The following AGRN variants were observed in gnomAD, a reference collection of about 807,000 sequenced individuals.
The protein encoded by AGRN is agrin.
In AGRN, 106 loss-of-function variants were observed where a neutral mutation model predicts 211.0. That is an observed-to-expected ratio of 0.50 (90% CI 0.43 to 0.59). The LOEUF (loss-of-function observed/expected upper bound fraction) is 0.59, where lower values mean the gene tolerates loss of function less well. AGRN is among the 20% of genes least tolerant of loss of function. AGRN has a pLI of 0.00. For missense variants in AGRN, 3,040 were observed against 2,982.6 expected (o/e 1.02, Z -0.45); for synonymous variants, 1,525 against 1,332.5 (o/e 1.14, Z -3.15).
At chr1:1,049,111 CGGGCGGGGGAGGG>C (rs778954964) in intron 24 of AGRN, 52 bp downstream of exon 24, 31 of 342,456 alleles carry the variant, frequency 9.1e-5, no homozygotes, top group East Asian at 4.4e-4. Flanking sequence ...GGGGAGGGGA[CGGGCGGGGGAGGG>C]GGGGCCGGGG....
In AGRN at chr1:1,044,003, G is replaced by A. The variant is rs370983524; in HGVS notation, c.1979G>A (p.Arg660Gln). 19 of 1,607,516 alleles carry A rather than the reference G, an allele frequency of 1.2e-5. No individual in the cohort carries two copies. The highest frequency in any genetic ancestry group is 4.4e-5 in the South Asian group (4 of 90,902). ...CAGCAGACACAGATCGAGGAGGCCC[G>A]GGCAGGGCCGTGCGAGCAGGGTAGG... ...CLQQTQIEEARAGPCEQAECG... is the reference protein window; with the variant it reads ...CLQQTQIEEAQAGPCEQAECG... Residue 660 changes from arginine to glutamine, a missense_variant, in exon 10 of 36, where the codon CGG (arginine) becomes CAG (glutamine). This residue lies in a region of AGRN where 1,498 missense variants were observed against 1,457.8 expected (regional missense o/e 1.03). Coordinates refer to ENST00000379370, the MANE Select transcript of AGRN (RefSeq NM_198576.4).
At chr1:1,034,222 G>A (rs564212548) in intron 2 of AGRN, 2 of 985,306 alleles carry the variant, frequency 2.0e-6, no homozygotes, top group East Asian at 1.1e-4. Context: ...GGCTCCGGGG[G>A]CTCCGGGAAG....
chr1:1,023,670 G>A (rs1280349979), intron 2 of AGRN, among the ~76,000 whole-genome samples: 1 of 152,218 alleles, frequency 6.6e-6, no homozygotes, highest in Non-Finnish European at 1.5e-5. Flanking sequence ...CAGCCAGGTG[G>A]GTCCAGCCCG....
chr1:1,049,121 A>AGGGGACGGGGGGGAG (rs1645194404), intron 24 of AGRN, 62 bp downstream of exon 24: 1 of 253,902 alleles, frequency 3.9e-6, no homozygotes, highest in African/African-American at 8.0e-5. Flanking sequence ...CGGGCGGGGG[A>AGGGGACGGGGGGGAG]GGGGGGGCCG....
At chr1:1,026,267 G>C (rs1412831805) in intron 2 of AGRN, among the ~76,000 whole-genome samples, 1 of 152,192 alleles carries the variant, frequency 6.6e-6, no homozygotes, top group African/African-American at 2.4e-5. Flanking sequence ...TCTGTGGGTG[G>C]TGGTGGGGAT....
In AGRN at chr1:1,041,585, G is replaced by GC. The variant is rs760165717; in HGVS notation, c.1061dup (p.Pro355AlafsTer68). On this transcript the variant is annotated frameshift_variant, in exon 6 of 36. Transcript: ENST00000379370. LOFTEE classifies it high-confidence loss of function. ...GCCCGAGAGCTGCCCTGCCCGGCAG[G>GC]CGCCAGTGTGTGGGGACGACGGAGT... is the stretch of plus-strand genomic sequence containing the variant. 1 of 1,610,934 alleles carries GC rather than the reference G, an allele frequency of 6.2e-7. No individual in the cohort carries two copies. Among genetic ancestry groups the GC allele is most frequent in the Non-Finnish European group, 8.5e-7 (1 of 1,179,378 alleles).
At chr1:1,045,902 G>A in intron 15 of AGRN, 26 bp downstream of exon 15, 1 of 1,610,412 alleles carries the variant, frequency 6.2e-7, no homozygotes, top group Non-Finnish European at 8.5e-7. Context: ...CGCTACCCTG[G>A]GGCTTCATGG....
In AGRN at chr1:1,054,530, A is replaced by G. The variant is rs1017237955; in HGVS notation, c.5959A>G (p.Thr1987Ala). 2 of 1,600,884 alleles carry G rather than the reference A, an allele frequency of 1.2e-6. No individual in the cohort carries two copies. Among genetic ancestry groups the G allele is most frequent in the African/African-American group, 2.7e-5 (2 of 74,720 alleles). The change falls in exon 35 of 36, where the codon ACT (threonine) becomes GCT (alanine). Residue 1987 changes from threonine to alanine, a missense_variant. Physicochemically the swap from Thr to Ala is moderately conservative, Grantham distance 58 (BLOSUM62 0). Around this residue, in one of 3 missense-constraint regions of AGRN, gnomAD observed 1,537 missense variants for 1,505.0 expected, o/e 1.02. Coordinates refer to ENST00000379370, the MANE Select transcript of AGRN (RefSeq NM_198576.4). Reference sequence around the variant, plus strand: ...CCCGCTGGGCGCCACGCAGCTGGACACTGATGGAGCCCTGTGGCTTGGTGA... The same window carrying G: ...CCCGCTGGGCGCCACGCAGCTGGACGCTGATGGAGCCCTGTGGCTTGGTGA... ...SSPLGATQLD[T>A]DGALWLGGLP...
intron 19 of AGRN, 173 bp from the exon 20 acceptor site, chr1:1,047,154 G>C (rs1645122188): frequency 8.9e-6 from 12 of 1,347,026 alleles, no homozygotes; most frequent in Non-Finnish European, 4.0e-6. Flanking sequence ...GCTCTGAGGA[G>C]TCCTCCTGGT....
chr1:1,046,591 T>C lies in AGRN; in HGVS notation c.3106T>C (p.Trp1036Arg). 1 of 1,606,762 alleles carries C rather than the reference T, an allele frequency of 6.2e-7. No homozygotes were observed. Among genetic ancestry groups the C allele is most frequent in the Non-Finnish European group, 8.5e-7 (1 of 1,179,624 alleles). The change falls in exon 18 of 36, where the codon TGG (tryptophan) becomes CGG (arginine). Residue 1036 changes from tryptophan to arginine, a missense_variant. Physicochemically the swap from Trp to Arg is moderately radical, Grantham distance 101. Coordinates refer to ENST00000379370, the MANE Select transcript of AGRN (RefSeq NM_198576.4). ...TTASVPRTTV[W>R]PVLTVPPTAP... Reference sequence around the variant, plus strand: ...TGCCAGCGTCCCCAGGACCACCGTGTGGCCCGTGCTGACGGTGCCCCCCAC... The same window carrying C: ...TGCCAGCGTCCCCAGGACCACCGTGCGGCCCGTGCTGACGGTGCCCCCCAC...
rs2100597965 is a variant in AGRN, at chr1:1,032,441, C to A, written c.464-2836C>A. Among the ~76,000 whole-genome samples the A allele has an allele frequency of 6.6e-6, 1 of 152,194 alleles. No homozygotes were observed. The highest frequency in any genetic ancestry group is 2.1e-4 in the South Asian group (1 of 4,816). On this transcript the variant is annotated intron_variant, in intron 2 of 35. Transcript: ENST00000379370. This position sits in a 1 kb window ranked among gnomAD's most constrained non-coding sequence, Gnocchi z 4.7. ...CTGACCAGGAGGTGAGACAGGGCAC[C>A]TGGAAGGAAGGAGGCGTTGGGGAGA...
chr1:1,033,210 T>A (rs1644711813), intron 2 of AGRN, among the ~76,000 whole-genome samples: 1 of 151,856 alleles, frequency 6.6e-6, no homozygotes, highest in African/African-American at 2.4e-5. Context: ...CGCCGGCGAC[T>A]GGAGGAGCCA....
intron 34 of AGRN, among the ~76,000 whole-genome samples, 167 bp from the exon 35 acceptor site, chr1:1,054,281 G>T (rs981537938): frequency 6.6e-6 from 1 of 152,230 alleles, no homozygotes; most frequent in South Asian, 2.1e-4. Context: ...GGCTCCCAGT[G>T]CCCTCCTTGG....
Position 1,049,588 on chromosome 1 carries a change from G to C in AGRN, c.4537G>C (p.Gly1513Arg), listed in dbSNP as rs967941440. The C allele has an allele frequency of 6.3e-7, 1 of 1,590,594 alleles. No individual in the cohort carries two copies. Among genetic ancestry groups the C allele is most frequent in the East Asian group, 2.3e-5 (1 of 43,794 alleles). Reference sequence around the variant, plus strand: ...CAGGGCGCTGGAGCGGACCTTCGTGGGCGCCGGCCTGAGGGGGTGCATCCG... The same window carrying C: ...CAGGGCGCTGGAGCGGACCTTCGTGCGCGCCGGCCTGAGGGGGTGCATCCG... ...AAVALERTFV[G>R]AGLRGCIRLL... is the part of the protein sequence containing the mutation. Residue 1513 changes from glycine (G) to arginine (R), a missense_variant, in exon 26 of 36, where the codon GGC becomes CGC. By Grantham distance (125) the Gly-to-Arg change is moderately radical (BLOSUM62 -2). This residue lies in a region of AGRN where 1,537 missense variants were observed against 1,505.0 expected (regional missense o/e 1.02). Transcript: ENST00000379370.
intron 33 of AGRN, chr1:1,052,382 CATGGGTCCATGTATATGTGTGTGTGT>C (rs995069255): frequency 5.9e-6 from 2 of 338,698 alleles, no homozygotes; most frequent in African/African-American, 4.3e-5. Flanking sequence ...TGTGTGTGTG[CATGGGTCCATGTATATGTGTGTGTGT>C]ATATGTGGGG....
In AGRN at chr1:1,051,828, C is replaced by T. The variant is rs761541122; in HGVS notation, c.5651+13C>T. 16 of 1,613,286 alleles carry T rather than the reference C, an allele frequency of 9.9e-6. No homozygotes were observed. In the Admixed American group the frequency reaches 1.8e-4, roughly 18 times the overall value. The stretch of plus-strand genomic sequence containing the variant: ...CTGTGACCGAGAGGTAACGTGCCAT[C>T]CTCTGCTGGCTGTCGGTTCCATCTG... On this transcript the variant is annotated intron_variant, in intron 33 of 35. Coordinates refer to ENST00000379370, the MANE Select transcript of AGRN (RefSeq NM_198576.4).
intron 34 of AGRN, among the ~76,000 whole-genome samples, 183 bp downstream of exon 34, chr1:1,054,160 C>T (rs1479637884): frequency 6.6e-6 from 1 of 152,232 alleles, no homozygotes; most frequent in Non-Finnish European, 1.5e-5. Context: ...TGATCAGTTT[C>T]CACGTCTGAA....
At chr1:1,024,924 T>C (rs1456771114) in intron 2 of AGRN, among the ~76,000 whole-genome samples, 1 of 152,196 alleles carries the variant, frequency 6.6e-6, no homozygotes, top group East Asian at 1.9e-4. Flanking sequence ...GTCAGGGAAG[T>C]GGCCTGGCCT....
chr1:1,049,075 A>T lies in AGRN; in HGVS notation c.4298+16A>T, dbSNP rs1218750135. 2.9e-6 allele frequency: 4 copies of T among 1,388,124 alleles called. No individual in the cohort carries two copies. The highest frequency in any genetic ancestry group is 3.8e-6 in the Non-Finnish European group (4 of 1,045,998). 86.0% of individuals were successfully genotyped at this position (1,388,124 alleles called of 1,614,324 possible). A position where few individuals can be genotyped will look rare whatever the true frequency, so the allele number is the denominator to read the frequency against. On this transcript the variant is annotated intron_variant, in intron 24 of 35. Transcript: ENST00000379370. ...TGCAGCTCAGGTGGGCGGGGAGGGGACGGGGCCGGGGCAGCTCAGGTGGGC... is the reference window on the plus strand; with the variant it reads ...TGCAGCTCAGGTGGGCGGGGAGGGGTCGGGGCCGGGGCAGCTCAGGTGGGC...
Sources: gnomAD v4.1 joint callset for allele counts (sites outside exome capture counted in the v4.1 genomes callset) on GRCh38, gnomAD v4.1.1 for gene constraint, gnomAD v4.1.1 regional missense constraint, Gnocchi (gnomAD v3.1) non-coding constraint, MANE v1.5 for transcripts, NCBI Gene and HGNC (gene_info 2026-07-23, HGNC 2026-07-21) for gene names.